The following GALNT13 variants were observed in gnomAD, a reference collection of about 807,000 sequenced individuals.
GALNT13 encodes UDP-GalNAc:polypeptide N-acetylgalactosaminyltransferase 13.
A neutral mutation model predicts 64.2 loss-of-function variants in GALNT13; 28 were observed. That is an observed-to-expected ratio of 0.44 (90% confidence interval 0.32 to 0.60). The LOEUF is 0.60. Among genes scored for constraint, GALNT13 ranks in the 20% least tolerant of loss-of-function variants. The probability of loss-of-function intolerance (pLI) is 0.05; values close to 1 mark genes in which losing one functional copy is unlikely to be tolerated. For missense variants in GALNT13, 577 were observed against 669.8 expected, an observed-to-expected ratio of 0.86 and a Z score of 1.53; for synonymous variants, 214 against 224.6, an observed-to-expected ratio of 0.95 and a Z score of 0.42.
In GALNT13 at chr2:154,031,624, TTAAA is replaced by T. The variant is rs1479036012; in HGVS notation, c.142+86989_142+86992del. ...ATTGCTATATTAATATCATTAGACT[TTAAA>T]TAACATATATTAACAAGGTTAAACA... On this transcript the variant is annotated intron_variant, in intron 3 of 12. Coordinates refer to ENST00000392825, the MANE Select transcript of GALNT13 (RefSeq NM_052917.4). 5.3e-5 allele frequency among the ~76,000 whole-genome samples: 8 copies of T among 151,986 alleles called. No individual in the cohort carries two copies. The East Asian group carries it at 1.5e-3, about 29-fold the overall frequency.
chr2:153,985,383 T>C (rs1267545341), intron 3 of GALNT13, among the ~76,000 whole-genome samples: 1 of 151,986 alleles, frequency 6.6e-6, no homozygotes, highest in Non-Finnish European at 1.5e-5. Context: ...CCTTTTCTAT[T>C]GTTATTGAGT....
chr2:154,394,006 A>G (rs1349471050), intron 9 of GALNT13, among the ~76,000 whole-genome samples: 4 of 125,240 alleles, frequency 3.2e-5, no homozygotes, highest in African/African-American at 1.2e-4. Context: ...TGAACCCGGG[A>G]GGCGGAGCTT....
At chr2:153,283,729 GTC>G in the GALNT13 span, among the ~76,000 whole-genome samples, 1 of 152,224 alleles carries the variant, frequency 6.6e-6, no homozygotes, top group South Asian at 2.1e-4. Context: ...CTTTACCACA[GTC>G]TCTGCATAGG....
At chr2:154,268,166 C>T (rs905971961) in intron 8 of GALNT13, among the ~76,000 whole-genome samples, 8 of 151,990 alleles carry the variant, frequency 5.3e-5, no homozygotes, top group South Asian at 4.1e-4. Flanking sequence ...TTTGTAATAC[C>T]GAAAGCCAGA....
the GALNT13 span, among the ~76,000 whole-genome samples, chr2:153,252,793 A>G: frequency 2.0e-5 from 3 of 152,156 alleles, no homozygotes; most frequent in African/African-American, 4.8e-5. Flanking sequence ...GATATGTGGC[A>G]TTATTTCTGA....
the GALNT13 span, among the ~76,000 whole-genome samples, chr2:153,442,785 T>A: frequency 1.3e-5 from 2 of 152,118 alleles, no homozygotes; most frequent in African/African-American, 4.8e-5. Flanking sequence ...CTACAGCGGT[T>A]TTGCTGAGCT....
the GALNT13 span, among the ~76,000 whole-genome samples, chr2:153,649,104 T>C: frequency 6.6e-6 from 1 of 152,166 alleles, no homozygotes; most frequent in Non-Finnish European, 1.5e-5. Flanking sequence ...CTGGACTTTT[T>C]TGGTTGGTAA....
the GALNT13 span, among the ~76,000 whole-genome samples, chr2:153,782,253 C>A: frequency 6.6e-6 from 1 of 152,098 alleles, no homozygotes; most frequent in Non-Finnish European, 1.5e-5. Flanking sequence ...CATCATAGAT[C>A]AAATATTTCA....
chr2:153,199,583 A>G, the GALNT13 span, among the ~76,000 whole-genome samples: 1 of 152,196 alleles, frequency 6.6e-6, no homozygotes. Flanking sequence ...GCCTGTCCTT[A>G]CTGTGGTGGG....
At chr2:153,984,500 T>C (rs1694665896) in intron 3 of GALNT13, among the ~76,000 whole-genome samples, 1 of 151,714 alleles carries the variant, frequency 6.6e-6, no homozygotes, top group African/African-American at 2.4e-5. Context: ...ATTGGAATTA[T>C]ATAAATTATT....
intron 8 of GALNT13, among the ~76,000 whole-genome samples, chr2:154,277,551 G>A (rs1304555068): frequency 6.6e-6 from 1 of 152,028 alleles, no homozygotes; most frequent in African/African-American, 2.4e-5. Flanking sequence ...CCAATTATGA[G>A]ATTTATTTAA....
the GALNT13 span, among the ~76,000 whole-genome samples, chr2:153,284,357 G>T: frequency 2.0e-5 from 3 of 152,118 alleles, no homozygotes; most frequent in Admixed American, 2.0e-4. Context: ...CACAATTCTG[G>T]CTGTGGTTCC....
At chr2:154,183,255 A>ACC (rs1426840816) in intron 4 of GALNT13, among the ~76,000 whole-genome samples, 3 of 152,136 alleles carry the variant, frequency 2.0e-5, no homozygotes. Context: ...GTCTTTGTGA[A>ACC]TTGTATGTTT....
At chr2:154,091,285 T>A (rs1701793900) in intron 3 of GALNT13, among the ~76,000 whole-genome samples, 1 of 151,982 alleles carries the variant, frequency 6.6e-6, no homozygotes. Context: ...TATAGCCATA[T>A]AAGGAAATTT....
At chr2:154,028,336 A>AT (rs1225729980) in intron 3 of GALNT13, among the ~76,000 whole-genome samples, 2 of 151,896 alleles carry the variant, frequency 1.3e-5, no homozygotes, top group Non-Finnish European at 2.9e-5. Context: ...CATGAATATT[A>AT]TTTTTTCCCA....
At chr2:153,269,594 T>C in the GALNT13 span, among the ~76,000 whole-genome samples, 2 of 152,168 alleles carry the variant, frequency 1.3e-5, no homozygotes, top group East Asian at 3.9e-4. Context: ...GTTTCCAAAG[T>C]TGCTTCCACA....
chr2:153,151,448 C>A, the GALNT13 span, among the ~76,000 whole-genome samples: 1 of 151,812 alleles, frequency 6.6e-6, no homozygotes, highest in African/African-American at 2.4e-5. Context: ...TAGAACTAGA[C>A]ATACCATTTG....
At chr2:154,269,906 G>GTATATATATATATATATATA (rs67387315) in intron 8 of GALNT13, among the ~76,000 whole-genome samples, 2,120 of 96,656 alleles carry the variant, frequency 0.022, 112 homozygotes, top group Non-Finnish European at 0.03. Context: ...ATATATATGT[G>GTATATATATATATATATATA]TATATATATA....
chr2:154,000,281 C>T (rs1024693693), intron 3 of GALNT13, among the ~76,000 whole-genome samples: 7 of 151,282 alleles, frequency 4.6e-5, no homozygotes, highest in African/African-American at 1.7e-4. Context: ...TCATCGGTCT[C>T]TTATACGTTT....
Sources: allele counts gnomAD v4.1 joint callset (sites outside exome capture counted in the v4.1 genomes callset), GRCh38; gene constraint gnomAD v4.1.1; transcripts MANE v1.5; gene names NCBI Gene and HGNC (gene_info 2026-07-23, HGNC 2026-07-21).